Variants in BPIFB4 observed in about 807,000 individuals in gnomAD.
BPIFB4 encodes the protein BPI fold containing family B member 4.
BPIFB4 carries 62 observed loss-of-function variants against 69.2 expected under a neutral mutation model. The ratio of observed to expected loss-of-function variants is 0.90; its 90% confidence interval spans 0.73 to 1.11. The LOEUF is 1.11. Ranked by LOEUF, BPIFB4 falls within the 50% of genes least tolerant of loss-of-function variation. The pLI is 0.00. For synonymous variants in BPIFB4, 330 were observed against 332.7 expected (o/e 0.99, Z 0.09); for missense variants, 789 against 792.0 (o/e 1.00, Z 0.04).
Position 33,090,154 on chromosome 20 carries a change from T to C in BPIFB4, c.1052-554T>C, listed in dbSNP as rs141897268. Among the ~76,000 whole-genome samples the C allele has an allele frequency of 1.3e-3, 200 of 152,338 alleles. 4 individuals are homozygous for C. In the East Asian group the frequency reaches 0.027, roughly 20 times the overall value. On this transcript the variant is annotated intron_variant, in intron 9 of 17. Transcript: ENST00000375483. ...AGTGCAATGGCAGTGCCTCGAGTTG[T>C]GCAGTGCACAGCCTCCACAGCCACA... is the stretch of plus-strand genomic sequence containing the variant.
In BPIFB4 at chr20:33,092,505, G is replaced by A. The variant is rs564724845; in HGVS notation, c.1191G>A (p.Gly397=). The part of the protein sequence containing the change: ...AGGGLIDYPL[G]WPAVSPKPMP... ...GAGGACTCATCGACTACCCATTGGG[G>A]TGGCCAGCTGTGTCTCCCAAGCCGA... Residue 397 remains glycine, a synonymous_variant, in exon 11 of 18, where the codon GGG becomes GGA. Transcript: ENST00000375483. 2 of 1,614,096 alleles carry A rather than the reference G, an allele frequency of 1.2e-6. No individual in the cohort carries two copies. Among genetic ancestry groups the A allele is most frequent in the Non-Finnish European group, 1.7e-6 (2 of 1,180,030 alleles).
In BPIFB4 at chr20:33,083,539, C is replaced by T; in HGVS notation, c.342C>T (p.Ser114=). The change falls in exon 5 of 18, where the codon AGC becomes AGT. Residue 114 remains serine (S), a synonymous_variant. Coordinates refer to ENST00000375483, the MANE Select transcript of BPIFB4 (RefSeq NM_182519.3). ...RYGEILESEG[S]IRDLRNSGYR... Reference sequence around the variant, plus strand: ...GTGAGATCCTTGAGTCCGAGGGAAGCATCAGGGACCTCCGAAACAGTGGCT... The same window carrying T: ...GTGAGATCCTTGAGTCCGAGGGAAGTATCAGGGACCTCCGAAACAGTGGCT... The T allele has an allele frequency of 6.2e-7, 1 of 1,614,040 alleles. No individual in the cohort carries two copies. Among genetic ancestry groups the T allele is most frequent in the Non-Finnish European group, 8.5e-7 (1 of 1,179,948 alleles).
intron 17 of BPIFB4, 91 bp from the exon 18 acceptor site, chr20:33,111,323 C>A: frequency 7.1e-6 from 11 of 1,541,952 alleles, no homozygotes; most frequent in Non-Finnish European, 9.0e-6. Flanking sequence ...TTCCTAGAAA[C>A]ATGACCGGCC....
In BPIFB4 at chr20:33,107,761, G is replaced by A. The variant is rs747637208; in HGVS notation, c.1762G>A (p.Val588Ile). The change falls in exon 17 of 18, where the codon GTC (valine) becomes ATC (isoleucine). Residue 588 changes from valine to isoleucine, a missense_variant. Around this residue, in one of 3 missense-constraint regions of BPIFB4, gnomAD observed 170 missense variants for 193.6 expected, o/e 0.88. Coordinates refer to ENST00000375483, the MANE Select transcript of BPIFB4 (RefSeq NM_182519.3). The part of the protein sequence containing the change: ...PAMNAVLGSG[V>I]PLPKILNIDF... ...TTTTACAGCTGTGCTGGGTTCTGGC[G>A]TCCCTCTCCCCAAAATCCTCAACAT... The A allele has an allele frequency of 8.8e-5, 142 of 1,613,946 alleles. No homozygotes were observed. Among genetic ancestry groups the A allele is most frequent in the Non-Finnish European group, 1.0e-4 (120 of 1,179,922 alleles).
At chr20:33,096,766 C>T (rs1257303677) in intron 12 of BPIFB4, among the ~76,000 whole-genome samples, 2 of 152,172 alleles carry the variant, frequency 1.3e-5, no homozygotes, top group African/African-American at 4.8e-5. Flanking sequence ...TCAGGCTGGA[C>T]CCAGCAATGT....
At chr20:33,099,822 C>T (rs1194729488) in intron 13 of BPIFB4, among the ~76,000 whole-genome samples, 1 of 152,186 alleles carries the variant, frequency 6.6e-6, no homozygotes, top group Non-Finnish European at 1.5e-5. Context: ...CTGAATTTCT[C>T]AGGAGCTTAC....
At chr20:33,100,296 C>G (rs78076405) in intron 13 of BPIFB4, 130 bp from the exon 14 acceptor site, 6 of 706,354 alleles carry the variant, frequency 8.5e-6, no homozygotes, top group Non-Finnish European at 1.2e-5. Flanking sequence ...ACCCAGGCCT[C>G]GGGGAACAAC....
Position 33,092,392 on chromosome 20 carries a change from C to A in BPIFB4, c.1144-66C>A, listed in dbSNP as rs769943530. The A allele has an allele frequency of 2.2e-4, 312 of 1,448,362 alleles. 2 individuals are homozygous for A. Among genetic ancestry groups the A allele is most frequent in the Non-Finnish European group, 2.8e-4 (295 of 1,060,882 alleles). 89.7% of individuals were successfully genotyped at this position (1,448,362 alleles called of 1,614,324 possible). On this transcript the variant is annotated intron_variant, in intron 10 of 17. Transcript: ENST00000375483. ...TGGAGGCAGATTCAGGGCCTCACTCCAGCCTTCAGTCCCCTTCTTTCCATC... is the reference window on the plus strand; with the variant it reads ...TGGAGGCAGATTCAGGGCCTCACTCAAGCCTTCAGTCCCCTTCTTTCCATC...
intron 16 of BPIFB4, among the ~76,000 whole-genome samples, chr20:33,106,067 C>T (rs1982045620): frequency 6.6e-6 from 1 of 152,172 alleles, no homozygotes; most frequent in Non-Finnish European, 1.5e-5. Flanking sequence ...AGGGTAGATT[C>T]ACAATGTCCT....
intron 5 of BPIFB4, among the ~76,000 whole-genome samples, chr20:33,084,090 G>A (rs1433118373): frequency 1.3e-5 from 2 of 152,148 alleles, no homozygotes; most frequent in Admixed American, 1.3e-4. Flanking sequence ...AGCTTTTCAT[G>A]TTTGCGTGTG....
chr20:33,081,212 T>C (rs1981218581), intron 2 of BPIFB4, among the ~76,000 whole-genome samples: 1 of 152,240 alleles, frequency 6.6e-6, no homozygotes, highest in Non-Finnish European at 1.5e-5. Context: ...GAATCCCTAT[T>C]ACCCATCTCC....
intron 6 of BPIFB4, 71 bp from the exon 7 acceptor site, chr20:33,085,950 G>A: frequency 2.0e-6 from 3 of 1,522,612 alleles, no homozygotes; most frequent in Non-Finnish European, 2.7e-6. Flanking sequence ...GCAAGGACAG[G>A]CCTGGGTAAG....
chr20:33,103,095 G>A (rs959862861), intron 15 of BPIFB4, 81 bp downstream of exon 15: 1 of 1,496,720 alleles, frequency 6.7e-7, no homozygotes, highest in Non-Finnish European at 9.3e-7. Flanking sequence ...GTGTTCCTGT[G>A]AGGCTGGCTG....
intron 14 of BPIFB4, among the ~76,000 whole-genome samples, chr20:33,100,759 T>C (rs1293164172): frequency 6.6e-6 from 1 of 152,262 alleles, no homozygotes; most frequent in Non-Finnish European, 1.5e-5. Flanking sequence ...CCCATGCCTG[T>C]AGTCTCAGTG....
rs1206512534 is a variant in BPIFB4 at position 33,107,737 on chromosome 20, T to A, written c.1745-7T>A. The A allele has an allele frequency of 6.2e-7, 1 of 1,612,788 alleles. No individual in the cohort carries two copies. The highest frequency in any genetic ancestry group is 1.1e-5 in the South Asian group (1 of 91,014). ...CTGACCATGTCTGACTGTTTTTTAT[T>A]TTACAGCTGTGCTGGGTTCTGGCGT... is the stretch of plus-strand genomic sequence containing the variant. On this transcript the variant is annotated splice_region_variant and splice_polypyrimidine_tract_variant and intron_variant, in intron 16 of 17. Coordinates refer to ENST00000375483, the MANE Select transcript of BPIFB4 (RefSeq NM_182519.3).
rs1210831507 is a variant in BPIFB4, at chr20:33,103,020, T to A, written c.1680+6T>A. The A allele has an allele frequency of 6.2e-7, 1 of 1,613,572 alleles. No homozygotes were observed. Among genetic ancestry groups the A allele is most frequent in the East Asian group, 2.2e-5 (1 of 44,878 alleles). The stretch of plus-strand genomic sequence containing the variant: ...CAAACGTGGGCAACTTTGATGTAAG[T>A]ACCATGTTTAGTTCCCAGGGCAAGA... On this transcript the variant is annotated splice_donor_region_variant and intron_variant, in intron 15 of 17. Coordinates refer to ENST00000375483, the MANE Select transcript of BPIFB4 (RefSeq NM_182519.3).
At position 33,083,812 on chromosome 20, in the gene BPIFB4, AGGGGGTGTCCT is replaced by A; in HGVS notation, c.619_629del (p.Gly207ArgfsTer83). 6.2e-7 allele frequency: 1 copy of A among 1,613,354 alleles called. No homozygotes were observed. Among genetic ancestry groups the A allele is most frequent in the Non-Finnish European group, 8.5e-7 (1 of 1,179,672 alleles). On this transcript the variant is annotated frameshift_variant, in exon 5 of 18. Transcript: ENST00000375483. LOFTEE classifies it high-confidence loss of function. Reference sequence around the variant, plus strand: ...TTGGTGATGGAGGACTTCTTGGAGGAGGGGGTGTCCTGGGCGTGCTCGGCGAGGGTGGCATC... The same window carrying A: ...TTGGTGATGGAGGACTTCTTGGAGGAGGGCGTGCTCGGCGAGGGTGGCATC...
chr20:33,088,106 C>A (rs1304460961), intron 7 of BPIFB4, among the ~76,000 whole-genome samples: 1 of 152,016 alleles, frequency 6.6e-6, no homozygotes, highest in Non-Finnish European at 1.5e-5. Flanking sequence ...GAAACAAATT[C>A]TTAGACCAAA....
At chr20:33,085,442 C>A (rs2070324) in intron 6 of BPIFB4, among the ~76,000 whole-genome samples, 1 of 151,720 alleles carries the variant, frequency 6.6e-6, no homozygotes, top group Non-Finnish European at 1.5e-5. Context: ...GCAACAAGAG[C>A]AAAACTCCAT....
Sources: gnomAD v4.1 joint callset for allele counts (sites outside exome capture counted in the v4.1 genomes callset) on GRCh38, gnomAD v4.1.1 for gene constraint, gnomAD v4.1.1 regional missense constraint, MANE v1.5 for transcripts, NCBI Gene and HGNC (gene_info 2026-07-23, HGNC 2026-07-21) for gene names.